Variants in TPGS1 observed in about 807,000 individuals in gnomAD.
TPGS1 encodes tubulin polyglutamylase complex subunit 1.
Under a neutral mutation model 11.9 loss-of-function variants are expected in TPGS1, and 18 were observed. The observed-to-expected ratio is 1.51, with a 90% CI of 1.04 to 2.24. TPGS1 has a LOEUF of 2.24. TPGS1 is among the 30% of genes most tolerant of loss of function. The pLI, the probability that TPGS1 is intolerant of heterozygous loss-of-function variation, is 0.00. For missense variants in TPGS1, 500 were observed against 443.0 expected, an observed-to-expected ratio of 1.13 and a Z score of -1.16; for synonymous variants, 247 against 218.2, an observed-to-expected ratio of 1.13 and a Z score of -1.16.
chr19:508,724 T>G (rs1978701098), intron 1 of TPGS1: 1 of 152,380 alleles, frequency 6.6e-6, no homozygotes, highest in Non-Finnish European at 1.5e-5. Context: ...AACCAGGGCA[T>G]AAGCGCCCAC....
intron 1 of TPGS1, among the ~76,000 whole-genome samples, chr19:510,887 C>T (rs1408013924): frequency 1.3e-5 from 2 of 152,216 alleles, no homozygotes; most frequent in African/African-American, 2.4e-5. Flanking sequence ...CCCTGAGCAG[C>T]GTCCCTGGCC....
At position 507,742 on chromosome 19, in the gene TPGS1, C is replaced by T; in HGVS notation, c.236C>T (p.Pro79Leu). Residue 79 changes from proline (P) to leucine (L), a missense_variant, in exon 1 of 2, where the codon CCT (proline) becomes CTT (leucine). By Grantham distance (98) the Pro-to-Leu change is moderately conservative. Coordinates refer to ENST00000359315, the MANE Select transcript of TPGS1 (RefSeq NM_033513.3). ...TTCGAGAACATGGGCCTGCGCTCGC[C>T]TGTAAACGGCGGCGCCGGGGAGCCC... ...HYFENMGLRS[P>L]VNGGAGEPPG... 1.3e-5 allele frequency: 18 copies of T among 1,397,778 alleles called. No individual in the cohort carries two copies. The highest frequency in any genetic ancestry group is 1.7e-5 in the Non-Finnish European group (18 of 1,075,008). 86.6% of individuals were successfully genotyped at this position (1,397,778 alleles called of 1,614,324 possible).
At chr19:517,775 G>A in intron 1 of TPGS1, among the ~76,000 whole-genome samples, 2 of 100,216 alleles carry the variant, frequency 2.0e-5, no homozygotes, top group African/African-American at 4.2e-5. Flanking sequence ...GCTGGGTGGA[G>A]GCGGGGATGA....
At chr19:514,001 G>A (rs1301741828) in intron 1 of TPGS1, among the ~76,000 whole-genome samples, 1 of 150,948 alleles carries the variant, frequency 6.6e-6, no homozygotes, top group African/African-American at 2.4e-5. Context: ...TTGCATGCTG[G>A]CCCAGCATTT....
intron 1 of TPGS1, among the ~76,000 whole-genome samples, chr19:514,947 G>T (rs371361413): frequency 6.6e-6 from 1 of 152,186 alleles, no homozygotes; most frequent in African/African-American, 2.4e-5. Context: ...CGAGTGGCAC[G>T]TAGTAAGGCC....
At chr19:515,593 C>A (rs1452900375) in intron 1 of TPGS1, among the ~76,000 whole-genome samples, 1 of 150,890 alleles carries the variant, frequency 6.6e-6, no homozygotes, top group African/African-American at 2.4e-5. Context: ...CAAAAATTAG[C>A]TGGGTGTGGT....
At chr19:514,731 G>A (rs1271928789) in intron 1 of TPGS1, among the ~76,000 whole-genome samples, 2 of 152,200 alleles carry the variant, frequency 1.3e-5, no homozygotes, top group Admixed American at 6.5e-5. Flanking sequence ...AGACCATGGG[G>A]CTGCCCTGAG....
At chr19:510,225 T>G (rs1328773980) in intron 1 of TPGS1, 1 of 151,946 alleles carries the variant, frequency 6.6e-6, no homozygotes, top group Non-Finnish European at 1.5e-5. Flanking sequence ...TACAAAAAAT[T>G]AGCCGGGTGT....
chr19:509,840 A>G (rs1269428741), intron 1 of TPGS1: 2 of 152,378 alleles, frequency 1.3e-5, no homozygotes, highest in African/African-American at 2.4e-5. Context: ...GAGTTCTCAT[A>G]GCAGGGACTC....
chr19:519,460 G>T lies in TPGS1; in HGVS notation c.*37G>T. 8.4e-7 allele frequency: 1 copy of T among 1,190,700 alleles called. No homozygotes were observed. Among genetic ancestry groups the T allele is most frequent in the South Asian group, 4.0e-5 (1 of 24,834 alleles). The allele number at this position is 1,190,700 out of a possible 1,614,324, so 73.8% of individuals were successfully genotyped here. ...CGCGCGGATCCGGGATCTGCGCTGG[G>T]GGGTCCCCGCGTGCGGGGCGCGCGG... On this transcript the variant is annotated 3_prime_UTR_variant, in exon 2 of 2. Coordinates refer to ENST00000359315, the MANE Select transcript of TPGS1 (RefSeq NM_033513.3).
At chr19:512,031 C>T (rs953969225) in intron 1 of TPGS1, among the ~76,000 whole-genome samples, 6 of 152,098 alleles carry the variant, frequency 3.9e-5, no homozygotes, top group East Asian at 3.9e-4. Context: ...CCACCACACC[C>T]GGCTAATTTT....
rs370581139 is a variant in TPGS1, at chr19:518,982, C to T, written c.432C>T (p.Ser144=). Residue 144 remains serine, a synonymous_variant, in exon 2 of 2, where the codon AGC becomes AGT. Transcript: ENST00000359315. The part of the protein sequence containing the change: ...KRPGLDGRTY[S]ELLRRICRDG... ...CGGGGCTGGACGGGCGCACCTACAG[C>T]GAGCTGCTCAGGCGCATCTGCCGGG... The T allele has an allele frequency of 1.4e-4, 227 of 1,583,754 alleles. 1 individual carries two copies. The African/African-American group carries it at 2.6e-3, about 18-fold the overall frequency.
In TPGS1 at chr19:519,194, G is replaced by T. The variant is rs761101956; in HGVS notation, c.644G>T (p.Arg215Leu). The T allele has an allele frequency of 9.5e-5, 141 of 1,480,228 alleles. 1 individual carries two copies. Among genetic ancestry groups the T allele is most frequent in the Non-Finnish European group, 1.2e-4 (134 of 1,123,244 alleles). 91.7% of individuals were successfully genotyped at this position (1,480,228 alleles called of 1,614,324 possible). A position where few individuals can be genotyped will look rare whatever the true frequency, so the allele number is the denominator to read the frequency against. The change falls in exon 2 of 2, where the codon CGC becomes CTC. Residue 215 changes from arginine to leucine, a missense_variant. Transcript: ENST00000359315. ...GACTCGGCCGCCGCCGTGGCCGACC[G>T]CCGCGTGGGCCAGGCCGTGCTGGAC... Reference protein sequence around the residue: ...LEDSAAAVADRRVGQAVLDTL... With the variant: ...LEDSAAAVADLRVGQAVLDTL...
chr19:518,908 G>A lies in TPGS1; in HGVS notation c.358G>A (p.Val120Met), dbSNP rs1399666846. 8.4e-6 allele frequency: 13 copies of A among 1,548,036 alleles called. No homozygotes were observed. Among genetic ancestry groups the A allele is most frequent in the Middle Eastern group, 1.7e-4 (1 of 5,848 alleles). Residue 120 changes from valine (V) to methionine (M), a missense_variant, in exon 2 of 2, where the codon GTG (valine) becomes ATG (methionine). By Grantham distance (21) the Val-to-Met change is conservative. Coordinates refer to ENST00000359315, the MANE Select transcript of TPGS1 (RefSeq NM_033513.3). ...HSQRAAFNNN[V>M]SVAYECLSAG... ...CCGCAGGGCCGCCTTCAACAACAAC[G>A]TGAGCGTGGCCTACGAGTGCCTGAG...
In TPGS1 at chr19:507,584, C is replaced by A. The variant is rs753622857; in HGVS notation, c.78C>A (p.Ser26=). ...GFTDSGRQSV[S]RAAGAAESEE... is the part of the protein sequence containing the mutation. ...CGGACAGCGGCCGCCAGTCGGTATC[C>A]CGGGCGGCGGGGGCGGCCGAGAGCG... The change falls in exon 1 of 2, where the codon TCC becomes TCA. Residue 26 remains serine, a synonymous_variant. Coordinates refer to ENST00000359315, the MANE Select transcript of TPGS1 (RefSeq NM_033513.3). 6 of 1,399,382 alleles carry A rather than the reference C, an allele frequency of 4.3e-6. No individual in the cohort carries two copies. The highest frequency in any genetic ancestry group is 2.9e-5 in the East Asian group (1 of 34,172). The allele number at this position is 1,399,382 out of a possible 1,614,324, so 86.7% of individuals were successfully genotyped here.
At chr19:516,404 A>C (rs1237648848) in intron 1 of TPGS1, among the ~76,000 whole-genome samples, 1 of 136,982 alleles carries the variant, frequency 7.3e-6, no homozygotes, top group Non-Finnish European at 1.6e-5. Flanking sequence ...TTTTTTTTTG[A>C]GACGGAGTCT....
At chr19:517,783 T>G (rs1297890627) in intron 1 of TPGS1, among the ~76,000 whole-genome samples, 48 of 27,398 alleles carry the variant, frequency 1.8e-3, no homozygotes, top group Admixed American at 2.7e-3. Context: ...GAGGCGGGGA[T>G]GAGGGAGACC....
chr19:510,217 C>T (rs1319509298), intron 1 of TPGS1: 1 of 152,004 alleles, frequency 6.6e-6, no homozygotes, highest in Admixed American at 6.6e-5. Context: ...ACTAAAAATA[C>T]AAAAAATTAG....
chr19:511,461 C>A (rs899616449), intron 1 of TPGS1, among the ~76,000 whole-genome samples: 7 of 152,264 alleles, frequency 4.6e-5, no homozygotes, highest in African/African-American at 1.7e-4. Context: ...CCAAAATAAG[C>A]AGGTGGGGCC....
Sources: allele counts gnomAD v4.1 joint callset (sites outside exome capture counted in the v4.1 genomes callset), GRCh38; gene constraint gnomAD v4.1.1; transcripts MANE v1.5; gene names NCBI Gene and HGNC (gene_info 2026-07-23, HGNC 2026-07-21).